Variants in HPSE2 observed in about 807,000 individuals in gnomAD.
HPSE2 encodes inactive heparanase-2.
In HPSE2, 38 loss-of-function variants were observed where a neutral mutation model predicts 60.5. The ratio of observed to expected loss-of-function variants is 0.63; its 90% CI spans 0.48 to 0.82. HPSE2 has a LOEUF of 0.82. HPSE2 is among the 40% of genes least tolerant of loss of function. The probability of loss-of-function intolerance (pLI) is 0.00; values close to 1 mark genes in which losing one functional copy is unlikely to be tolerated. For missense variants in HPSE2, 713 were observed against 740.4 expected, an observed-to-expected ratio of 0.96 and a Z score of 0.43; for synonymous variants, 295 against 293.2, an observed-to-expected ratio of 1.01 and a Z score of -0.06.
intron 9 of HPSE2, among the ~76,000 whole-genome samples, chr10:98,583,684 T>C (rs759319493): frequency 9.2e-5 from 14 of 152,254 alleles, no homozygotes; most frequent in Non-Finnish European, 1.8e-4. Context: ...ATAATTCTTG[T>C]ATATTATTTC....
intron 9 of HPSE2, among the ~76,000 whole-genome samples, chr10:98,556,018 C>T (rs540477): frequency 0.046 from 7,012 of 152,192 alleles, 166 homozygotes; most frequent in South Asian, 0.082. Flanking sequence ...AGCTCCTCAC[C>T]ACAGAAAAGA....
chr10:98,473,862 A>G (rs1001081924), intron 11 of HPSE2, among the ~76,000 whole-genome samples: 6 of 152,360 alleles, frequency 3.9e-5, no homozygotes, highest in Non-Finnish European at 8.8e-5. Flanking sequence ...GAGACGAGCC[A>G]TCCCATCAAA....
In HPSE2 at chr10:99,166,690, T is replaced by C. The variant is rs192711227; in HGVS notation, c.449-22291A>G. ...TAAACTGTTCATATCTCTTGCCCACTTTTTATTTGGTTATTTTCTAATTTT... is the reference window on the plus strand; with the variant it reads ...TAAACTGTTCATATCTCTTGCCCACCTTTTATTTGGTTATTTTCTAATTTT... On this transcript the variant is annotated intron_variant, in intron 2 of 11. Transcript: ENST00000370552. Among the ~76,000 whole-genome samples the C allele has an allele frequency of 4.4e-3, 675 of 152,278 alleles. 5 individuals are homozygous for C. The highest frequency in any genetic ancestry group is 0.031 in the South Asian group (150 of 4,820).
intron 3 of HPSE2, among the ~76,000 whole-genome samples, chr10:99,071,706 T>C (rs1842795454): frequency 6.6e-6 from 1 of 152,268 alleles, no homozygotes; most frequent in African/African-American, 2.4e-5. Flanking sequence ...TTAAATCTTA[T>C]GTTTAAATCT....
At chr10:98,585,720 G>A (rs1412057917) in intron 9 of HPSE2, among the ~76,000 whole-genome samples, 1 of 151,852 alleles carries the variant, frequency 6.6e-6, no homozygotes, top group Non-Finnish European at 1.5e-5. Context: ...GGGAGGCCGA[G>A]GTGGGTGGAT....
intron 6 of HPSE2, among the ~76,000 whole-genome samples, chr10:98,665,251 T>C (rs1306280401): frequency 6.6e-6 from 1 of 152,042 alleles, no homozygotes; most frequent in Non-Finnish European, 1.5e-5. Flanking sequence ...AAAAAAAATT[T>C]AAATGAACAA....
chr10:98,904,070 T>C (rs1337590344), intron 3 of HPSE2, among the ~76,000 whole-genome samples: 1 of 152,194 alleles, frequency 6.6e-6, no homozygotes, highest in Non-Finnish European at 1.5e-5. Context: ...TCTACAAAAG[T>C]ATTGTATAAA....
At chr10:98,608,006 GAT>G (rs1421740950) in intron 9 of HPSE2, among the ~76,000 whole-genome samples, 1 of 152,154 alleles carries the variant, frequency 6.6e-6, no homozygotes, top group African/African-American at 2.4e-5. Flanking sequence ...TGTGGTAAAA[GAT>G]ACATATTCAT....
intron 9 of HPSE2, among the ~76,000 whole-genome samples, chr10:98,560,253 G>T (rs1241328353): frequency 6.6e-6 from 1 of 152,144 alleles, no homozygotes. Context: ...CAGCACAGCA[G>T]ATCCTAGATA....
intron 3 of HPSE2, among the ~76,000 whole-genome samples, chr10:98,890,212 C>A (rs1393458678): frequency 6.6e-6 from 1 of 151,970 alleles, no homozygotes; most frequent in Admixed American, 6.6e-5. Context: ...TACCCAATAA[C>A]CCCACTCCTG....
chr10:98,544,712 C>CAAAAA (rs58604325), intron 9 of HPSE2, among the ~76,000 whole-genome samples: 3 of 71,046 alleles, frequency 4.2e-5, no homozygotes, highest in African/African-American at 1.2e-4. Context: ...GACTCCGTCT[C>CAAAAA]AAAAAAAAAA....
intron 3 of HPSE2, among the ~76,000 whole-genome samples, chr10:99,020,394 C>G (rs1441156983): frequency 3.9e-5 from 6 of 152,070 alleles, no homozygotes; most frequent in Admixed American, 3.9e-4. Context: ...TTTCTAAGGT[C>G]CCATCATAAG....
intron 6 of HPSE2, among the ~76,000 whole-genome samples, chr10:98,649,571 C>G (rs899400133): frequency 2.0e-5 from 3 of 152,158 alleles, no homozygotes; most frequent in African/African-American, 7.2e-5. Context: ...GTCTTGCTTA[C>G]TTCAACCAAA....
chr10:99,085,183 T>C (rs990621794), intron 3 of HPSE2, among the ~76,000 whole-genome samples: 5 of 152,176 alleles, frequency 3.3e-5, no homozygotes, highest in African/African-American at 1.2e-4. Context: ...AAGAGGGATC[T>C]CTCTTACTAG....
At position 98,526,176 on chromosome 10, in the gene HPSE2, G is replaced by T. The variant is rs535603936; in HGVS notation, c.1321-35980C>A. On this transcript the variant is annotated intron_variant, in intron 9 of 11. Transcript: ENST00000370552. Reference sequence around the variant, plus strand: ...GCTACTGAAGGACCTGGGTGTGGGCGGAAGGTATAGAAGACTGGGTGTAGC... The same window carrying T: ...GCTACTGAAGGACCTGGGTGTGGGCTGAAGGTATAGAAGACTGGGTGTAGC... Among the ~76,000 whole-genome samples, 31 of 152,290 alleles carry T rather than the reference G, an allele frequency of 2.0e-4. No homozygotes were observed. In the East Asian group the frequency reaches 5.4e-3, roughly 27 times the overall value.
At chr10:99,112,964 T>C (rs10883266) in intron 3 of HPSE2, among the ~76,000 whole-genome samples, 93 of 44,452 alleles carry the variant, frequency 2.1e-3, no homozygotes, top group South Asian at 8.9e-3. Flanking sequence ...CACACACACA[T>C]ATACACATGC....
intron 1 of HPSE2, among the ~76,000 whole-genome samples, 186 bp downstream of exon 1, chr10:99,235,327 T>C (rs990420836): frequency 4.6e-5 from 7 of 152,136 alleles, no homozygotes; most frequent in Admixed American, 2.0e-4. Flanking sequence ...ATAGAAAACA[T>C]TGCTTTTCTC....
At chr10:99,188,743 A>G (rs1848119138) in intron 2 of HPSE2, among the ~76,000 whole-genome samples, 1 of 152,196 alleles carries the variant, frequency 6.6e-6, no homozygotes, top group Admixed American at 6.5e-5. Flanking sequence ...GTGAGACAGA[A>G]AAAGAGCTTT....
chr10:98,621,885 T>G (rs1206921982), intron 7 of HPSE2, among the ~76,000 whole-genome samples: 1 of 152,216 alleles, frequency 6.6e-6, no homozygotes, highest in Non-Finnish European at 1.5e-5. Context: ...GGCCCAGCCC[T>G]GATCTCTACA....
Sources: allele counts gnomAD v4.1 joint callset (sites outside exome capture counted in the v4.1 genomes callset), GRCh38; gene constraint gnomAD v4.1.1; transcripts MANE v1.5; gene names NCBI Gene and HGNC (gene_info 2026-07-23, HGNC 2026-07-21).